APLF: variants seen among roughly 807,000 people sequenced by gnomAD.
APLF encodes aprataxin and PNK-like factor.
Under a neutral mutation model 55.6 loss-of-function variants are expected in APLF, and 61 were observed. The ratio of observed to expected loss-of-function variants is 1.10; its 90% CI spans 0.89 to 1.36. The LOEUF is 1.36. Among genes scored for constraint, APLF ranks in the 40% most tolerant of loss-of-function variants. The pLI is 0.00. For synonymous variants in APLF, 207 were observed against 214.8 expected, an observed-to-expected ratio of 0.96 and a Z score of 0.32; for missense variants, 611 against 602.5, an observed-to-expected ratio of 1.01 and a Z score of -0.15.
chr2:68,497,181 A>G (rs112461304), intron 2 of APLF, among the ~76,000 whole-genome samples: 3,900 of 152,206 alleles, frequency 0.026, 64 homozygotes, highest in South Asian at 0.042. Flanking sequence ...AGGCCTCAGG[A>G]AGCTTACAAT....
At chr2:68,470,976 G>A (rs144232589) in intron 1 of APLF, among the ~76,000 whole-genome samples, 61 of 152,290 alleles carry the variant, frequency 4.0e-4, no homozygotes, top group African/African-American at 1.5e-3. Flanking sequence ...ACTGCTTGTT[G>A]CAGAATCCTG....
At chr2:68,515,640 A>C in intron 5 of APLF, 2 of 984,880 alleles carry the variant, frequency 2.0e-6, no homozygotes, top group Non-Finnish European at 2.4e-6. Context: ...GAAAATACGA[A>C]TGAGAGTAAT....
chr2:68,537,897 T>C lies in APLF; in HGVS notation c.830T>C (p.Ile277Thr). Reference sequence around the variant, plus strand: ...GAAATGCCACAATCATTTTCTGCAATCACATTAAGTAACACAGAGATGAAT... The same window carrying C: ...GAAATGCCACAATCATTTTCTGCAACCACATTAAGTAACACAGAGATGAAT... ...SKEMPQSFSAITLSNTEMNNI... is the reference protein window; with the variant it reads ...SKEMPQSFSATTLSNTEMNNI... Residue 277 changes from isoleucine to threonine, a missense_variant, in exon 7 of 10, where the codon ATC (isoleucine) becomes ACC (threonine). Ile to Thr is a moderately conservative substitution (Grantham distance 89). Transcript: ENST00000303795. 1 of 1,569,798 alleles carries C rather than the reference T, an allele frequency of 6.4e-7. No individual in the cohort carries two copies. The highest frequency in any genetic ancestry group is 8.6e-7 in the Non-Finnish European group (1 of 1,160,348).
intron 2 of APLF, among the ~76,000 whole-genome samples, chr2:68,499,551 C>T (rs1435473134): frequency 2.6e-5 from 4 of 152,124 alleles, no homozygotes; most frequent in Non-Finnish European, 4.4e-5. Flanking sequence ...TAATTAAATA[C>T]TCTCAAGCCA....
chr2:68,492,088 T>C (rs980490844), intron 2 of APLF, among the ~76,000 whole-genome samples: 1 of 152,250 alleles, frequency 6.6e-6, no homozygotes, highest in Non-Finnish European at 1.5e-5. Context: ...TAAAATGTTT[T>C]ATAAATTGGC....
At chr2:68,489,375 G>A (rs1450563025) in intron 1 of APLF, among the ~76,000 whole-genome samples, 2 of 152,196 alleles carry the variant, frequency 1.3e-5, no homozygotes, top group Non-Finnish European at 2.9e-5. Flanking sequence ...TGGTGTTATT[G>A]AAGTTGGTGC....
chr2:68,485,699 C>G (rs1407162730), intron 1 of APLF, among the ~76,000 whole-genome samples: 2 of 151,636 alleles, frequency 1.3e-5, no homozygotes, highest in Non-Finnish European at 2.9e-5. Flanking sequence ...AGCTGGCATT[C>G]TTTTATAAAG....
intron 8 of APLF, among the ~76,000 whole-genome samples, chr2:68,562,588 T>C (rs1169107273): frequency 6.6e-6 from 1 of 152,086 alleles, no homozygotes; most frequent in African/African-American, 2.4e-5. Flanking sequence ...CAATATATTC[T>C]GGAGCTATTT....
intron 6 of APLF, chr2:68,528,618 T>C (rs1193682246): frequency 1.6e-5 from 25 of 1,533,640 alleles, no homozygotes; most frequent in Non-Finnish European, 2.0e-5. Flanking sequence ...AGGTGGTCTT[T>C]ACCCAGCACC....
intron 6 of APLF, among the ~76,000 whole-genome samples, chr2:68,536,138 C>T (rs1472111204): frequency 4.6e-5 from 7 of 152,032 alleles, no homozygotes; most frequent in African/African-American, 1.7e-4. Context: ...ACCAGTTGGT[C>T]CTGGAGTTGG....
intron 3 of APLF, among the ~76,000 whole-genome samples, chr2:68,504,357 C>CTTGG (rs1488419539): frequency 4.6e-5 from 7 of 151,770 alleles, no homozygotes; most frequent in African/African-American, 1.7e-4. Context: ...ACAAAAAACC[C>CTTGG]TCAAAACTAC....
chr2:68,481,666 T>G (rs1346644208), intron 1 of APLF, among the ~76,000 whole-genome samples: 1 of 152,112 alleles, frequency 6.6e-6, no homozygotes, highest in Non-Finnish European at 1.5e-5. Flanking sequence ...GCTTGGGAGG[T>G]TTTCAGCTAT....
intron 5 of APLF, among the ~76,000 whole-genome samples, chr2:68,518,470 TTAATA>T (rs1669734929): frequency 9.0e-6 from 1 of 111,540 alleles, no homozygotes. Context: ...ATATAACATA[TTAATA>T]ATACATAATA....
At chr2:68,492,394 C>A (rs917129664) in intron 2 of APLF, among the ~76,000 whole-genome samples, 3 of 152,126 alleles carry the variant, frequency 2.0e-5, no homozygotes, top group Non-Finnish European at 4.4e-5. Flanking sequence ...AGGAGAATGG[C>A]GTGAACCCGG....
intron 6 of APLF, among the ~76,000 whole-genome samples, chr2:68,526,584 A>T (rs1024540072): frequency 1.2e-4 from 19 of 152,196 alleles, no homozygotes; most frequent in African/African-American, 4.3e-4. Context: ...AGACTTACAA[A>T]TTACAAGAAC....
chr2:68,489,187 G>A (rs1473630655), intron 1 of APLF, among the ~76,000 whole-genome samples: 4 of 152,140 alleles, frequency 2.6e-5, no homozygotes, highest in African/African-American at 9.7e-5. Flanking sequence ...CAGCTATCTG[G>A]TTAAAAAAAT....
intron 4 of APLF, 147 bp from the exon 5 acceptor site, chr2:68,513,401 G>T (rs1193424072): frequency 2.4e-6 from 3 of 1,227,780 alleles, no homozygotes; most frequent in Non-Finnish European, 3.4e-6. Flanking sequence ...TAAACTAATA[G>T]AAATAATTTC....
intron 1 of APLF, among the ~76,000 whole-genome samples, chr2:68,482,137 C>T (rs1472054242): frequency 6.9e-5 from 10 of 144,268 alleles, no homozygotes; most frequent in African/African-American, 2.3e-4. Flanking sequence ...TTAATGTGTT[C>T]CTTTGGGGTT....
At chr2:68,569,436 A>G (rs186314198) in intron 9 of APLF, among the ~76,000 whole-genome samples, 13 of 152,258 alleles carry the variant, frequency 8.5e-5, no homozygotes, top group Admixed American at 3.3e-4. Flanking sequence ...AAATAGATCA[A>G]TCAAAGACAT....
Sources: gnomAD v4.1 joint callset for allele counts (sites outside exome capture counted in the v4.1 genomes callset) on GRCh38, gnomAD v4.1.1 for gene constraint, MANE v1.5 for transcripts, NCBI Gene and HGNC (gene_info 2026-07-23, HGNC 2026-07-21) for gene names.